KIF5A: variants seen among roughly 807,000 people sequenced by gnomAD.
KIF5A encodes the protein kinesin family member 5A, also known as kinesin heavy chain isoform 5A.
In KIF5A, 35 loss-of-function variants were observed where a neutral mutation model predicts 141.3. The observed-to-expected ratio is 0.25, with a 90% confidence interval of 0.19 to 0.33. KIF5A has a LOEUF of 0.33. KIF5A is among the 10% of genes least tolerant of loss of function. The probability of loss-of-function intolerance (pLI) is 1.00; values close to 1 mark genes in which losing one functional copy is unlikely to be tolerated. For missense variants in KIF5A, 861 were observed against 1,314.3 expected (o/e 0.66, Z 5.33); for synonymous variants, 448 against 500.2 (o/e 0.90, Z 1.39).
At chr12:57,566,692 G>A (rs1882075817) in intron 6 of KIF5A, among the ~76,000 whole-genome samples, 1 of 151,664 alleles carries the variant, frequency 6.6e-6, no homozygotes, top group Non-Finnish European at 1.5e-5. Flanking sequence ...TGGGATTACA[G>A]GCGTGAGCCA....
chr12:57,581,312 T>A, intron 24 of KIF5A, 103 bp from the exon 25 acceptor site: 1 of 1,557,380 alleles, frequency 6.4e-7, no homozygotes, highest in African/African-American at 1.4e-5. Context: ...AAAAAGTGAT[T>A]ATGTTACAAG....
intron 1 of KIF5A, among the ~76,000 whole-genome samples, chr12:57,551,976 G>A (rs1017692432): frequency 1.3e-5 from 2 of 151,942 alleles, no homozygotes; most frequent in African/African-American, 2.4e-5. Flanking sequence ...TGGCCCTGCA[G>A]TCTGTTCAGT....
In KIF5A at chr12:57,578,023, G is replaced by T; in HGVS notation, c.2376G>T (p.Gln792His). ...GLEETVAREL[Q>H]TLHNLRKLFV... ...ATTCTTTCCAGGCCCGGGAACTCCA[G>T]ACCCTCCACAACCTTCGCAAGCTGT... is the stretch of plus-strand genomic sequence containing the variant. The change falls in exon 22 of 29, where the codon CAG (glutamine) becomes CAT (histidine). Residue 792 changes from glutamine (Q) to histidine (H), a missense_variant. Gln to His is a conservative substitution (Grantham distance 24). Coordinates refer to ENST00000455537, the MANE Select transcript of KIF5A (RefSeq NM_004984.4). The T allele has an allele frequency of 6.2e-7, 1 of 1,614,136 alleles. No individual in the cohort carries two copies. The highest frequency in any genetic ancestry group is 8.5e-7 in the Non-Finnish European group (1 of 1,179,952).
At chr12:57,579,935 G>A (rs1190541337) in intron 23 of KIF5A, among the ~76,000 whole-genome samples, 1 of 152,064 alleles carries the variant, frequency 6.6e-6, no homozygotes, top group Non-Finnish European at 1.5e-5. Context: ...GATAAATAGA[G>A]GACTCACTAC....
chr12:57,558,536 T>C (rs1335111109), intron 1 of KIF5A, among the ~76,000 whole-genome samples: 2 of 152,124 alleles, frequency 1.3e-5, no homozygotes, highest in African/African-American at 4.8e-5. Flanking sequence ...TAGCCGGGTG[T>C]GGTGGCGGGC....
At chr12:57,584,070 G>T (rs949177713) in intron 28 of KIF5A, 148 bp from the exon 29 acceptor site, 1 of 152,236 alleles carries the variant, frequency 6.6e-6, no homozygotes, top group Non-Finnish European at 1.5e-5. Flanking sequence ...TGCAAGCCTG[G>T]GTCACGGGGG....
chr12:57,550,075 G>A lies in KIF5A; in HGVS notation c.-197G>A. 2 of 639,888 alleles carry A rather than the reference G, an allele frequency of 3.1e-6. No homozygotes were observed. The highest frequency in any genetic ancestry group is 5.4e-6 in the Non-Finnish European group (2 of 368,968). 39.6% of individuals were successfully genotyped at this position (639,888 alleles called of 1,614,324 possible). On this transcript the variant is annotated 5_prime_UTR_variant, in exon 1 of 29. Coordinates refer to ENST00000455537, the MANE Select transcript of KIF5A (RefSeq NM_004984.4). This position sits in a 1 kb window ranked among gnomAD's most constrained non-coding sequence, Gnocchi z 4.6. ...CCCGAAAGGACCAGACGCCCAGGTC[G>A]CCCGCATCCCGCTGCCGCAGGAGAG...
chr12:57,567,117 C>G lies in KIF5A; in HGVS notation c.502-9C>G, dbSNP rs755065220. On this transcript the variant is annotated splice_polypyrimidine_tract_variant and intron_variant, in intron 6 of 28. Transcript: ENST00000455537. ...AGCTTATGGGTCACTGTCCATTTGT[C>G]CCCCACAGGGTTGTACTGAACGCTT... 5 of 1,588,238 alleles carry G rather than the reference C, an allele frequency of 3.1e-6. No homozygotes were observed. Among genetic ancestry groups the G allele is most frequent in the Non-Finnish European group, 3.5e-6 (4 of 1,157,444 alleles).
At chr12:57,581,276 C>T in intron 24 of KIF5A, 104 bp downstream of exon 24, 2 of 1,494,772 alleles carry the variant, frequency 1.3e-6, no homozygotes, top group South Asian at 2.3e-5. Context: ...TACCCCTAGC[C>T]TCATCCCACT....
At position 57,567,609 on chromosome 12, in the gene KIF5A, G is replaced by T. The variant is rs1036145752; in HGVS notation, c.705G>T (p.Gly235=). The stretch of plus-strand genomic sequence containing the variant: ...AGCTGTATCTGGTGGACCTGGCAGG[G>T]AGTGAGAAGGTAGGGGGTCCTGTGG... ...SGKLYLVDLA[G]SEKVSKTGAE... is the part of the protein sequence containing the mutation. Residue 235 remains glycine (G), a synonymous_variant, in exon 8 of 29, where the codon GGG becomes GGT. Coordinates refer to ENST00000455537, the MANE Select transcript of KIF5A (RefSeq NM_004984.4). The T allele has an allele frequency of 1.4e-5, 23 of 1,612,504 alleles. No homozygotes were observed. The highest frequency in any genetic ancestry group is 1.9e-5 in the Non-Finnish European group (22 of 1,179,436).
intron 8 of KIF5A, among the ~76,000 whole-genome samples, chr12:57,567,957 A>G (rs947880596): frequency 4.7e-5 from 7 of 149,454 alleles, no homozygotes; most frequent in Non-Finnish European, 8.9e-5. Flanking sequence ...CTCTCAGCTC[A>G]CTGCAACCCC....
At chr12:57,560,946 C>T (rs943927613) in intron 1 of KIF5A, among the ~76,000 whole-genome samples, 9 of 152,124 alleles carry the variant, frequency 5.9e-5, no homozygotes, top group Admixed American at 1.3e-4. Context: ...GCTGTGATTT[C>T]GCCACTGTAC....
In KIF5A at chr12:57,566,398, C is replaced by T. The variant is rs964470659; in HGVS notation, c.502-728C>T. ...GCATTACAGGCATAAGCCACTGCACCTGGCTGCGACAGTGTTTTTTTTTTT... is the reference window on the plus strand; with the variant it reads ...GCATTACAGGCATAAGCCACTGCACTTGGCTGCGACAGTGTTTTTTTTTTT... On this transcript the variant is annotated intron_variant, in intron 6 of 28. Coordinates refer to ENST00000455537, the MANE Select transcript of KIF5A (RefSeq NM_004984.4). Among the ~76,000 whole-genome samples, 3 of 151,336 alleles carry T rather than the reference C, an allele frequency of 2.0e-5. 1 individual carries two copies. The highest frequency in any genetic ancestry group is 4.2e-4 in the South Asian group (2 of 4,800).
At chr12:57,565,102 A>G (rs1882022681) in intron 6 of KIF5A, 129 bp downstream of exon 6, 1 of 822,632 alleles carries the variant, frequency 1.2e-6, no homozygotes, top group Admixed American at 2.0e-5. Context: ...CCTAGGGGCC[A>G]GGGAGAGTCT....
Position 57,562,386 on chromosome 12 carries a change from T to C in KIF5A, c.130-1053T>C, listed in dbSNP as rs1275217409. Among the ~76,000 whole-genome samples the C allele has an allele frequency of 1.3e-5, 2 of 152,194 alleles. 1 individual carries two copies. Among genetic ancestry groups the C allele is most frequent in the Admixed American group, 1.3e-4 (2 of 15,280 alleles). On this transcript the variant is annotated intron_variant, in intron 1 of 28. Transcript: ENST00000455537. ...GCCTGCCACCACGCCCAGCTAATTT[T>C]TGTATTTTTAGTAGAGATGGGGTTT...
At chr12:57,568,814 G>T (rs1882151490) in intron 8 of KIF5A, 149 bp from the exon 9 acceptor site, 1 of 685,320 alleles carries the variant, frequency 1.5e-6, no homozygotes, top group African/African-American at 1.8e-5. Context: ...CAGAGGAAGG[G>T]CCTTCCCCAA....
Position 57,572,316 on chromosome 12 carries a change from C to T in KIF5A, c.1569+49C>T, listed in dbSNP as rs140435666. On this transcript the variant is annotated intron_variant, in intron 14 of 28. Transcript: ENST00000455537. This position sits in a 1 kb window ranked among gnomAD's most constrained non-coding sequence, Gnocchi z 4.2. ...ACAGCTCCCTGACCACAGAACATCT[C>T]CCATGTCGAGGGGACCTCTGCATCC... 6 of 1,536,026 alleles carry T rather than the reference C, an allele frequency of 3.9e-6. No individual in the cohort carries two copies. In the East Asian group the frequency reaches 1.5e-4, roughly 37 times the overall value.
intron 26 of KIF5A, 107 bp from the exon 27 acceptor site, chr12:57,582,493 CTT>C: frequency 1.1e-6 from 1 of 881,334 alleles, no homozygotes; most frequent in South Asian, 1.3e-5. Context: ...CACAGCTTAT[CTT>C]TTTCTCTAAG....
At chr12:57,567,742 C>A in intron 8 of KIF5A, 124 bp downstream of exon 8, 1 of 981,686 alleles carries the variant, frequency 1.0e-6, no homozygotes, top group Non-Finnish European at 1.5e-6. Context: ...TTCACTGCAA[C>A]CTCCGCCTCC....
Sources: allele counts gnomAD v4.1 joint callset (sites outside exome capture counted in the v4.1 genomes callset), GRCh38; gene constraint gnomAD v4.1.1; non-coding constraint Gnocchi (gnomAD v3.1); transcripts MANE v1.5; gene names NCBI Gene and HGNC (gene_info 2026-07-23, HGNC 2026-07-21).